TMEM108: variants seen among roughly 807,000 people sequenced by gnomAD.
TMEM108 encodes the protein transmembrane protein 108.
A neutral mutation model predicts 35.1 loss-of-function variants in TMEM108; 12 were observed. The observed-to-expected ratio is 0.34, with a 90% CI of 0.22 to 0.55. The LOEUF is 0.55. TMEM108 is among the 20% of genes least tolerant of loss of function. The pLI, the probability that TMEM108 is intolerant of heterozygous loss-of-function variation, is 0.89. For missense variants in TMEM108, 680 were observed against 753.3 expected, an observed-to-expected ratio of 0.90 and a Z score of 1.14; for synonymous variants, 287 against 308.6, an observed-to-expected ratio of 0.93 and a Z score of 0.73.
intron 2 of TMEM108, among the ~76,000 whole-genome samples, chr3:133,132,228 G>T (rs111892582): frequency 1.3e-5 from 2 of 152,184 alleles, no homozygotes; most frequent in Non-Finnish European, 2.9e-5. Flanking sequence ...GATGAAACAG[G>T]CTTCTGTTGG....
intron 3 of TMEM108, among the ~76,000 whole-genome samples, chr3:133,305,716 A>G (rs1369101267): frequency 1.3e-5 from 2 of 152,056 alleles, no homozygotes; most frequent in Non-Finnish European, 2.9e-5. Flanking sequence ...AGCAATATAT[A>G]AATATTACAG....
chr3:133,074,587 T>C (rs1943718076), intron 2 of TMEM108, among the ~76,000 whole-genome samples: 2 of 152,148 alleles, frequency 1.3e-5, no homozygotes, highest in South Asian at 4.1e-4. Context: ...CCTCCCAGGT[T>C]CAAGCGATTC....
intron 2 of TMEM108, among the ~76,000 whole-genome samples, chr3:133,107,612 G>A (rs960490781): frequency 6.6e-6 from 1 of 152,032 alleles, no homozygotes; most frequent in Non-Finnish European, 1.5e-5. Context: ...GATTACAAAG[G>A]GGATTTAATT....
At chr3:133,111,672 G>A (rs1398848235) in intron 2 of TMEM108, among the ~76,000 whole-genome samples, 1 of 152,080 alleles carries the variant, frequency 6.6e-6, no homozygotes, top group African/African-American at 2.4e-5. Flanking sequence ...GAAGCAGTTA[G>A]AAACAGGGCA....
chr3:133,185,013 A>C (rs114145908), intron 2 of TMEM108, among the ~76,000 whole-genome samples: 2,609 of 152,244 alleles, frequency 0.017, 98 homozygotes, highest in African/African-American at 0.059. Context: ...TTATATAGCT[A>C]ATTTGTAAAG....
intron 2 of TMEM108, chr3:133,119,273 C>T (rs1944323921): frequency 6.6e-6 from 1 of 152,132 alleles, no homozygotes; most frequent in Non-Finnish European, 1.5e-5. Flanking sequence ...AGGCACTCCC[C>T]TCCACCCACT....
intron 3 of TMEM108, among the ~76,000 whole-genome samples, chr3:133,255,574 G>A (rs1301100096): frequency 6.6e-6 from 1 of 152,164 alleles, no homozygotes; most frequent in African/African-American, 2.4e-5. Flanking sequence ...ACAGGTGGGG[G>A]TTCAAGAACG....
chr3:133,273,984 A>T (rs79876285), intron 3 of TMEM108, among the ~76,000 whole-genome samples: 5 of 152,184 alleles, frequency 3.3e-5, no homozygotes, highest in African/African-American at 1.2e-4. Context: ...CTATTTTACT[A>T]ATGAAGAAAC....
intron 3 of TMEM108, among the ~76,000 whole-genome samples, chr3:133,300,594 C>T (rs536457199): frequency 6.6e-5 from 10 of 152,138 alleles, no homozygotes; most frequent in South Asian, 2.1e-4. Flanking sequence ...TTAATGAGGA[C>T]GCAGAGAGCC....
intron 2 of TMEM108, among the ~76,000 whole-genome samples, chr3:133,206,056 A>G (rs370726689): frequency 1.3e-5 from 2 of 152,226 alleles, no homozygotes; most frequent in South Asian, 2.1e-4. Flanking sequence ...TTGATCCTCA[A>G]TCTCTGATAT....
intron 1 of TMEM108, among the ~76,000 whole-genome samples, chr3:133,039,402 T>TA (rs766513750): frequency 1.3e-5 from 2 of 152,190 alleles, no homozygotes; most frequent in Non-Finnish European, 2.9e-5. Flanking sequence ...CACACGTCCT[T>TA]AATTCTTTGA....
chr3:133,218,681 T>C (rs1235843054), intron 2 of TMEM108, among the ~76,000 whole-genome samples: 1 of 152,066 alleles, frequency 6.6e-6, no homozygotes, highest in Non-Finnish European at 1.5e-5. Context: ...ATTCTTTAAT[T>C]AGTAGACTTG....
chr3:133,207,750 G>A (rs2107835490), intron 2 of TMEM108, among the ~76,000 whole-genome samples: 1 of 152,100 alleles, frequency 6.6e-6, no homozygotes, highest in South Asian at 2.1e-4. Flanking sequence ...TCCATATGGG[G>A]GTCAATCATA....
intron 2 of TMEM108, among the ~76,000 whole-genome samples, chr3:133,161,881 T>G (rs562253732): frequency 6.6e-6 from 1 of 152,190 alleles, no homozygotes; most frequent in Non-Finnish European, 1.5e-5. Context: ...CCTGGCTAAG[T>G]GTCTTCAGGT....
rs769528744 is a variant in TMEM108, at chr3:133,380,567, G to T, written c.856G>T (p.Gly286Trp). 1.5e-5 allele frequency: 25 copies of T among 1,613,526 alleles called. No individual in the cohort carries two copies. The highest frequency in any genetic ancestry group is 1.7e-5 in the Admixed American group (1 of 59,968). The change falls in exon 4 of 6, where the codon GGG becomes TGG. Residue 286 changes from glycine to tryptophan, a missense_variant. Coordinates refer to ENST00000321871, the MANE Select transcript of TMEM108 (RefSeq NM_023943.4). The surrounding 1 kb of genome is among the most constrained non-coding windows in gnomAD (Gnocchi z 5.3). ...DKPGLRRAAQ[G>W]GGSTFTSQGG... ...GCCAGGCCTTCGCAGAGCAGCCCAG[G>T]GGGGTGGTTCTACCTTCACCAGCCA...
intron 3 of TMEM108, among the ~76,000 whole-genome samples, chr3:133,291,977 TGACTGC>T (rs1470284665): frequency 6.6e-6 from 1 of 152,194 alleles, no homozygotes; most frequent in African/African-American, 2.4e-5. Context: ...TTCCCAACCC[TGACTGC>T]ACATCTGAAT....
At chr3:133,163,149 C>T (rs1049480963) in intron 2 of TMEM108, among the ~76,000 whole-genome samples, 12 of 152,172 alleles carry the variant, frequency 7.9e-5, no homozygotes, top group African/African-American at 2.9e-4. Flanking sequence ...TAAAGAGCTA[C>T]ACATAAATAT....
chr3:133,294,015 C>T (rs1196328937), intron 3 of TMEM108, among the ~76,000 whole-genome samples: 1 of 152,194 alleles, frequency 6.6e-6, no homozygotes, highest in Non-Finnish European at 1.5e-5. Context: ...TGCAGAAAGT[C>T]TCAGATTTGT....
chr3:133,337,249 A>G (rs2071526854), intron 3 of TMEM108, among the ~76,000 whole-genome samples: 1 of 152,194 alleles, frequency 6.6e-6, no homozygotes. Flanking sequence ...GGTGAGATCC[A>G]GTGCTGTGCA....
Sources: allele counts gnomAD v4.1 joint callset (sites outside exome capture counted in the v4.1 genomes callset), GRCh38; gene constraint gnomAD v4.1.1; non-coding constraint Gnocchi (gnomAD v3.1); transcripts MANE v1.5; gene names NCBI Gene and HGNC (gene_info 2026-07-23, HGNC 2026-07-21).